Variants in NCOA2 observed in about 807,000 individuals in gnomAD.
NCOA2 encodes nuclear receptor coactivator 2, also known as class E basic helix-loop-helix protein 75.
Under a neutral mutation model 145.1 loss-of-function variants are expected in NCOA2, and 21 were observed. The observed-to-expected ratio is 0.14, with a 90% CI of 0.10 to 0.21. The LOEUF (loss-of-function observed/expected upper bound fraction) is 0.21. NCOA2 is among the 10% of genes least tolerant of loss of function. The pLI is 1.00. For missense variants in NCOA2, 1,472 were observed against 1,837.6 expected, an observed-to-expected ratio of 0.80 and a Z score of 3.64; for synonymous variants, 619 against 637.5, an observed-to-expected ratio of 0.97 and a Z score of 0.44.
At chr8:70,310,487 G>A (rs1828236112) in intron 1 of NCOA2, among the ~76,000 whole-genome samples, 1 of 152,014 alleles carries the variant, frequency 6.6e-6, no homozygotes, top group Admixed American at 6.6e-5. Flanking sequence ...GTTAACTATA[G>A]TATATAATAA....
At chr8:70,140,593 G>GTTTTTTT (rs71558582) in intron 14 of NCOA2, among the ~76,000 whole-genome samples, 6 of 79,782 alleles carry the variant, frequency 7.5e-5, no homozygotes, top group African/African-American at 1.6e-4. Flanking sequence ...TACCACCTAA[G>GTTTTTTT]TTTTTTTTTT....
intron 2 of NCOA2, among the ~76,000 whole-genome samples, chr8:70,285,519 A>G (rs762748767): frequency 6.6e-6 from 1 of 152,212 alleles, no homozygotes; most frequent in East Asian, 1.9e-4. Flanking sequence ...CAAGATACGC[A>G]CATGGCGAAG....
intron 1 of NCOA2, among the ~76,000 whole-genome samples, chr8:70,344,067 TTAA>T (rs1484199477): frequency 1.3e-5 from 2 of 152,186 alleles, no homozygotes; most frequent in Admixed American, 6.5e-5. Context: ...CAAAAGCCTT[TTAA>T]ACCCGTGTAT....
At chr8:70,383,869 C>T (rs920035128) in intron 1 of NCOA2, among the ~76,000 whole-genome samples, 1 of 152,138 alleles carries the variant, frequency 6.6e-6, no homozygotes, top group Admixed American at 6.5e-5. Flanking sequence ...AAAGTTTATT[C>T]CTTTGAACTT....
intron 2 of NCOA2, among the ~76,000 whole-genome samples, chr8:70,282,920 G>A (rs896788979): frequency 6.6e-6 from 1 of 152,174 alleles, no homozygotes; most frequent in Non-Finnish European, 1.5e-5. Context: ...TACTCACAGT[G>A]TGTGTGCATG....
rs549860990 is a variant in NCOA2, at chr8:70,308,553, T to C, written c.-76-11753A>G. On this transcript the variant is annotated intron_variant, in intron 1 of 22. Transcript: ENST00000452400. Reference sequence around the variant, plus strand: ...ACACATACAAATAGATATAGATACATAGTTACAGGTATTCTCCTCTGGGAA... The same window carrying C: ...ACACATACAAATAGATATAGATACACAGTTACAGGTATTCTCCTCTGGGAA... 3.5e-4 allele frequency among the ~76,000 whole-genome samples: 54 copies of C among 152,212 alleles called. 1 individual carries two copies. Among genetic ancestry groups the C allele is most frequent in the African/African-American group, 1.3e-3 (54 of 41,542 alleles).
chr8:70,117,191 C>A (rs942784136), intron 22 of NCOA2, among the ~76,000 whole-genome samples: 5 of 152,246 alleles, frequency 3.3e-5, no homozygotes, highest in Non-Finnish European at 7.3e-5. Flanking sequence ...CACCACAGGG[C>A]TGGTTGCAGG....
intron 2 of NCOA2, among the ~76,000 whole-genome samples, chr8:70,222,142 T>C (rs1325745453): frequency 1.3e-5 from 2 of 152,206 alleles, no homozygotes; most frequent in Non-Finnish European, 2.9e-5. Context: ...AACAGTTAAG[T>C]TACAAAGTTT....
At chr8:70,367,352 T>A (rs190123736) in intron 1 of NCOA2, among the ~76,000 whole-genome samples, 1 of 152,352 alleles carries the variant, frequency 6.6e-6, no homozygotes, top group Non-Finnish European at 1.5e-5. Flanking sequence ...AAAACTTTTG[T>A]GCCAATTTCT....
intron 2 of NCOA2, among the ~76,000 whole-genome samples, chr8:70,228,890 G>A (rs143693624): frequency 1.3e-5 from 2 of 152,268 alleles, no homozygotes; most frequent in Admixed American, 1.3e-4. Flanking sequence ...GTTCTAGTTG[G>A]GATAGAATGA....
chr8:70,249,341 A>G (rs757603016), intron 2 of NCOA2, among the ~76,000 whole-genome samples: 2 of 152,208 alleles, frequency 1.3e-5, no homozygotes, highest in Non-Finnish European at 2.9e-5. Flanking sequence ...ATTACGTTGC[A>G]ATATGAAAAA....
intron 1 of NCOA2, among the ~76,000 whole-genome samples, chr8:70,318,870 T>C (rs1487011517): frequency 2.6e-5 from 4 of 152,178 alleles, no homozygotes; most frequent in Non-Finnish European, 5.9e-5. Context: ...CATAGGAAAA[T>C]ACACTGTATC....
At chr8:70,293,249 G>A (rs1009027954) in intron 2 of NCOA2, among the ~76,000 whole-genome samples, 1 of 152,092 alleles carries the variant, frequency 6.6e-6, no homozygotes, top group African/African-American at 2.4e-5. Context: ...TCAAATCAAA[G>A]TGCCCATATC....
At chr8:70,118,660 A>C (rs1206616384) in intron 22 of NCOA2, among the ~76,000 whole-genome samples, 2 of 151,682 alleles carry the variant, frequency 1.3e-5, no homozygotes, top group African/African-American at 2.4e-5. Context: ...ACTGAACAAC[A>C]ACCTTGTACT....
At chr8:70,319,333 A>G (rs1261998352) in intron 1 of NCOA2, among the ~76,000 whole-genome samples, 2 of 151,654 alleles carry the variant, frequency 1.3e-5, no homozygotes, top group Non-Finnish European at 2.9e-5. Context: ...CTTGAGCCCA[A>G]GGGTTCGACA....
rs904021701 is a variant in NCOA2, at chr8:70,355,567, AT to A, written c.-77+48132del. Among the ~76,000 whole-genome samples, 66 of 151,654 alleles carry A rather than the reference AT, an allele frequency of 4.4e-4. 1 individual carries two copies. The highest frequency in any genetic ancestry group is 3.3e-3 in the South Asian group (16 of 4,808). On this transcript the variant is annotated intron_variant, in intron 1 of 22. Transcript: ENST00000452400. ...ATAAACTTTTTTCAAATGTCATGAGATTTTTTTGTTTTTTTCTTTTTTTTTT... is the reference window on the plus strand; with the variant it reads ...ATAAACTTTTTTCAAATGTCATGAGATTTTTTGTTTTTTTCTTTTTTTTTT...
chr8:70,165,232 G>A (rs1275304014), intron 7 of NCOA2, among the ~76,000 whole-genome samples: 1 of 152,124 alleles, frequency 6.6e-6, no homozygotes, highest in Non-Finnish European at 1.5e-5. Flanking sequence ...GAAATACTAT[G>A]TGTTTATTAT....
chr8:70,113,302 T>A lies in NCOA2; in HGVS notation c.*330A>T, dbSNP rs1347834801. On this transcript the variant is annotated 3_prime_UTR_variant, in exon 23 of 23. Transcript: ENST00000452400. ...AAGAGCATGGTTCTCCTTAAATACATACATTTAAATACATTCAATCTGACA... is the reference window on the plus strand; with the variant it reads ...AAGAGCATGGTTCTCCTTAAATACAAACATTTAAATACATTCAATCTGACA... The A allele has an allele frequency of 2.5e-6, 1 of 403,474 alleles. No homozygotes were observed. Among genetic ancestry groups the A allele is most frequent in the African/African-American group, 2.0e-5 (1 of 51,166 alleles). 25.0% of individuals were successfully genotyped at this position (403,474 alleles called of 1,614,324 possible). A position where few individuals can be genotyped will look rare whatever the true frequency, so the allele number is the denominator to read the frequency against.
At chr8:70,150,969 T>C (rs1017601008) in intron 11 of NCOA2, among the ~76,000 whole-genome samples, 13 of 152,216 alleles carry the variant, frequency 8.5e-5, no homozygotes, top group Non-Finnish European at 1.3e-4. Context: ...AAAAAGCCTC[T>C]AATAAACTGA....
Sources: allele counts gnomAD v4.1 joint callset (sites outside exome capture counted in the v4.1 genomes callset), GRCh38; gene constraint gnomAD v4.1.1; transcripts MANE v1.5; gene names NCBI Gene and HGNC (gene_info 2026-07-23, HGNC 2026-07-21).